The following RNF34 variants were observed in gnomAD, a reference collection of about 807,000 sequenced individuals.
RNF34 encodes E3 ubiquitin-protein ligase RNF34.
A neutral mutation model predicts 37.9 loss-of-function variants in RNF34; 12 were observed. That is an observed-to-expected ratio of 0.32 (90% confidence interval 0.20 to 0.51). The LOEUF is 0.51. Ranked by LOEUF, RNF34 falls within the 20% of genes least tolerant of loss-of-function variation. The pLI is 0.97. For synonymous variants in RNF34, 155 were observed against 177.2 expected, an observed-to-expected ratio of 0.87 and a Z score of 1.00; for missense variants, 362 against 472.7, an observed-to-expected ratio of 0.77 and a Z score of 2.17.
At chr12:121,401,012 G>T (rs1869936803) in intron 1 of RNF34, among the ~76,000 whole-genome samples, 1 of 152,080 alleles carries the variant, frequency 6.6e-6, no homozygotes, top group South Asian at 2.1e-4. Context: ...CAAACCAAGT[G>T]GGATGAGTCA....
intron 1 of RNF34, among the ~76,000 whole-genome samples, chr12:121,408,978 CTT>C (rs1359212280): frequency 6.8e-6 from 1 of 146,524 alleles, no homozygotes; most frequent in African/African-American, 2.5e-5. Context: ...GTGACCCTTT[CTT>C]TTTTTTTTTG....
rs368005152 is a variant in RNF34 at position 121,420,323 on chromosome 12, G to T, written c.715G>T (p.Ala239Ser). 2.6e-6 allele frequency: 4 copies of T among 1,567,654 alleles called. No homozygotes were observed. The African/African-American group carries it at 5.5e-5, about 21-fold the overall frequency. The change falls in exon 4 of 6, where the codon GCA becomes TCA. Residue 239 changes from alanine (A) to serine (S), a missense_variant. By Grantham distance (99) the Ala-to-Ser change is moderately conservative. Transcript: ENST00000361234. ...GGATGATGATGATGAAGAAGAAAACGCAGAGGATCGGGTGAGGCCACCTAT... is the reference window on the plus strand; with the variant it reads ...GGATGATGATGATGAAGAAGAAAACTCAGAGGATCGGGTGAGGCCACCTAT... ...DEDDDDEEEN[A>S]EDRNPGLSKE...
chr12:121,408,244 C>G (rs1022330597), intron 1 of RNF34, among the ~76,000 whole-genome samples: 15 of 152,226 alleles, frequency 9.9e-5, no homozygotes, highest in Admixed American at 4.6e-4. Flanking sequence ...AGTTCGAGAC[C>G]AGCCTGGCCA....
chr12:121,406,606 C>G (rs1444076619), intron 1 of RNF34, among the ~76,000 whole-genome samples: 1 of 152,108 alleles, frequency 6.6e-6, no homozygotes, highest in African/African-American at 2.4e-5. Context: ...TTTTTAAATA[C>G]GATACCTGGT....
At chr12:121,421,371 T>TAAAAAAAAAAAAA (rs11398833) in intron 5 of RNF34, among the ~76,000 whole-genome samples, 2 of 46,370 alleles carry the variant, frequency 4.3e-5, no homozygotes, top group Non-Finnish European at 4.4e-5. Context: ...ATCCCATCTC[T>TAAAAAAAAAAAAA]AAAAAAAAAA....
At chr12:121,416,415 G>A (rs1555282215) in intron 2 of RNF34, 38 bp downstream of exon 2, 1 of 1,321,276 alleles carries the variant, frequency 7.6e-7, no homozygotes, top group Non-Finnish European at 1.1e-6. Context: ...ACACACATGG[G>A]TCAGCATTCT....
chr12:121,415,240 A>G (rs1871449077), intron 1 of RNF34: 1 of 276,866 alleles, frequency 3.6e-6, no homozygotes, highest in South Asian at 3.0e-5. Flanking sequence ...GATGTTTTCC[A>G]AGTCATTTAA....
chr12:121,409,391 C>T (rs1471632139), intron 1 of RNF34: 1 of 152,134 alleles, frequency 6.6e-6, no homozygotes, highest in Non-Finnish European at 1.5e-5. Flanking sequence ...AGTATGTTGC[C>T]GAGGCATTAG....
intron 5 of RNF34, among the ~76,000 whole-genome samples, chr12:121,421,387 A>AAC (rs1872136541): frequency 6.7e-6 from 1 of 150,058 alleles, no homozygotes; most frequent in East Asian, 1.9e-4. Context: ...AAAAAAAAAA[A>AAC]AAAAAAAAAA....
At chr12:121,421,371 TAA>T (rs11398833) in intron 5 of RNF34, among the ~76,000 whole-genome samples, 555 of 46,338 alleles carry the variant, frequency 0.012, 4 homozygotes, top group African/African-American at 0.035. Context: ...ATCCCATCTC[TAA>T]AAAAAAAAAA....
chr12:121,403,020 A>G (rs1870145330), intron 1 of RNF34, among the ~76,000 whole-genome samples: 1 of 152,196 alleles, frequency 6.6e-6, no homozygotes, highest in African/African-American at 2.4e-5. Flanking sequence ...AGGTCCCTGC[A>G]TATTGTATTT....
At chr12:121,403,569 C>T (rs1236353010) in intron 1 of RNF34, among the ~76,000 whole-genome samples, 3 of 151,964 alleles carry the variant, frequency 2.0e-5, no homozygotes, top group African/African-American at 2.4e-5. Flanking sequence ...TTTTTCCTGT[C>T]GTTTAACACA....
At chr12:121,412,718 T>G (rs1871194905) in intron 1 of RNF34, among the ~76,000 whole-genome samples, 1 of 150,112 alleles carries the variant, frequency 6.7e-6, no homozygotes, top group Non-Finnish European at 1.5e-5. Context: ...AATCTAGATG[T>G]TCATGCTTTT....
rs377505774 is a variant in RNF34 at position 121,407,301 on chromosome 12, T to C, written c.6+7083T>C. ...ACGGAGGAGTAACTGTAGGGTTTTT[T>C]TCCCCCAATGAACAAATAATGGATG... On this transcript the variant is annotated intron_variant, in intron 1 of 5. Transcript: ENST00000361234. Among the ~76,000 whole-genome samples, 153 of 152,324 alleles carry C rather than the reference T, an allele frequency of 1.0e-3. No homozygotes were observed. In the South Asian group the frequency reaches 0.024, roughly 24 times the overall value.
At chr12:121,410,706 A>T (rs1870980187) in intron 1 of RNF34, among the ~76,000 whole-genome samples, 1 of 152,100 alleles carries the variant, frequency 6.6e-6, no homozygotes, top group African/African-American at 2.4e-5. Context: ...CTTCAATATG[A>T]TGCTAAGGTT....
At position 121,417,683 on chromosome 12, in the gene RNF34, T is replaced by TA. The variant is rs1412257392; in HGVS notation, c.406dup (p.Thr136AsnfsTer4). The TA allele has an allele frequency of 6.2e-7, 1 of 1,614,096 alleles. No individual in the cohort carries two copies. The highest frequency in any genetic ancestry group is 2.2e-5 in the East Asian group (1 of 44,902). The stretch of plus-strand genomic sequence containing the variant: ...TCATTCTGAGAAATATACCCATAGA[T>TA]ACTTGTCGTGAGAAAGAAGACTTGG... On this transcript the variant is annotated frameshift_variant, in exon 3 of 6. Transcript: ENST00000361234. LOFTEE classifies it high-confidence loss of function. The surrounding 1 kb of genome is among the most constrained non-coding windows in gnomAD (Gnocchi z 5.0).
intron 1 of RNF34, among the ~76,000 whole-genome samples, chr12:121,411,548 ATC>A (rs1213206748): frequency 4.9e-4 from 74 of 152,322 alleles, no homozygotes; most frequent in African/African-American, 1.8e-3. Flanking sequence ...AAAGGTCATA[ATC>A]TCTGACAGTG....
intron 1 of RNF34, among the ~76,000 whole-genome samples, chr12:121,413,261 A>G (rs1871261605): frequency 6.7e-6 from 1 of 150,214 alleles, no homozygotes; most frequent in Non-Finnish European, 1.5e-5. Flanking sequence ...TCCTGACCTC[A>G]GGAGATCCAC....
chr12:121,411,974 T>C (rs1555281407), intron 1 of RNF34, among the ~76,000 whole-genome samples: 1 of 152,218 alleles, frequency 6.6e-6, no homozygotes, highest in East Asian at 1.9e-4. Context: ...GCAAACTAAA[T>C]TTTTTAGAAC....
Sources: gnomAD v4.1 joint callset for allele counts (sites outside exome capture counted in the v4.1 genomes callset) on GRCh38, gnomAD v4.1.1 for gene constraint, Gnocchi (gnomAD v3.1) non-coding constraint, MANE v1.5 for transcripts, NCBI Gene and HGNC (gene_info 2026-07-23, HGNC 2026-07-21) for gene names.